Variants in ATOSA observed in about 807,000 individuals in gnomAD.
ATOSA encodes the protein atos homolog protein A.
chr15:52,706,611 C>T, the ATOSA span, among the ~76,000 whole-genome samples: 1 of 152,108 alleles, frequency 6.6e-6, no homozygotes, highest in Non-Finnish European at 1.5e-5. Flanking sequence ...CAAAAACCAG[C>T]TTGAAAGACC....
the ATOSA span, chr15:52,601,194 T>TAAA: frequency 7.8e-7 from 1 of 1,289,108 alleles, no homozygotes; most frequent in East Asian, 2.9e-5. Flanking sequence ...TTTGTGATAT[T>TAAA]AAAAAAAAAA....
At chr15:52,589,771 G>T in the ATOSA span, among the ~76,000 whole-genome samples, 1 of 151,826 alleles carries the variant, frequency 6.6e-6, no homozygotes, top group Middle Eastern at 3.4e-3. Flanking sequence ...ACACAAAAGA[G>T]AAAAACACAT....
chr15:52,600,803 T>C, the ATOSA span, among the ~76,000 whole-genome samples: 4 of 151,830 alleles, frequency 2.6e-5, no homozygotes, highest in African/African-American at 9.7e-5. Flanking sequence ...GTTTTTTTTT[T>C]TTCCGTCAAA....
the ATOSA span, chr15:52,586,120 A>T: frequency 6.6e-6 from 1 of 152,188 alleles, no homozygotes. Flanking sequence ...CCACTGACCC[A>T]CACTTTCTCA....
At chr15:52,621,086 C>T in the ATOSA span, among the ~76,000 whole-genome samples, 1 of 152,104 alleles carries the variant, frequency 6.6e-6, no homozygotes, top group African/African-American at 2.4e-5. Flanking sequence ...TTTATGAAAA[C>T]ATTTATACCA....
the ATOSA span, among the ~76,000 whole-genome samples, chr15:52,629,822 AAAAAG>A: frequency 6.6e-6 from 1 of 152,130 alleles, no homozygotes; most frequent in Non-Finnish European, 1.5e-5. Flanking sequence ...AAAAATAAAA[AAAAAG>A]AAAAGACTAG....
the ATOSA span, among the ~76,000 whole-genome samples, chr15:52,604,751 T>C: frequency 6.6e-6 from 1 of 152,232 alleles, no homozygotes; most frequent in African/African-American, 2.4e-5. Context: ...GAGAGATTTA[T>C]ATGTCTCAAG....
the ATOSA span, among the ~76,000 whole-genome samples, chr15:52,688,702 T>C: frequency 6.6e-6 from 1 of 152,186 alleles, no homozygotes; most frequent in Non-Finnish European, 1.5e-5. Context: ...TCTGAAGGTA[T>C]AGTACTGAGA....
At chr15:52,619,754 C>T in the ATOSA span, among the ~76,000 whole-genome samples, 2 of 151,546 alleles carry the variant, frequency 1.3e-5, no homozygotes, top group African/African-American at 4.9e-5. Flanking sequence ...TCACTTGAAC[C>T]CAGGAGGTGT....
the ATOSA span, among the ~76,000 whole-genome samples, chr15:52,604,775 G>C: frequency 1.1e-4 from 17 of 152,130 alleles, no homozygotes; most frequent in African/African-American, 3.9e-4. Flanking sequence ...ATTAAGTGAA[G>C]GGATTCCAAA....
the ATOSA span, among the ~76,000 whole-genome samples, chr15:52,597,360 G>A: frequency 6.6e-5 from 10 of 152,104 alleles, no homozygotes; most frequent in East Asian, 1.9e-4. Flanking sequence ...TAATAACCCC[G>A]AAGTGGTGAC....
the ATOSA span, among the ~76,000 whole-genome samples, chr15:52,612,938 A>C: frequency 6.6e-6 from 1 of 152,230 alleles, no homozygotes; most frequent in African/African-American, 2.4e-5. Flanking sequence ...AAAAACATTA[A>C]CAAAAAATAT....
At chr15:52,584,148 T>TC in the ATOSA span, among the ~76,000 whole-genome samples, 1 of 148,868 alleles carries the variant, frequency 6.7e-6, no homozygotes. Flanking sequence ...CATATTACTT[T>TC]TTTTTTTTTT....
the ATOSA span, among the ~76,000 whole-genome samples, chr15:52,659,085 C>T: frequency 1.3e-5 from 2 of 152,202 alleles, no homozygotes; most frequent in Non-Finnish European, 2.9e-5. Flanking sequence ...TCCCCTACCC[C>T]CAACCCCCAG....
chr15:52,602,745 T>C, the ATOSA span, among the ~76,000 whole-genome samples: 3 of 152,210 alleles, frequency 2.0e-5, no homozygotes, highest in Non-Finnish European at 2.9e-5. Context: ...TTTCCCCCTC[T>C]CTCATTTATA....
the ATOSA span, among the ~76,000 whole-genome samples, chr15:52,628,847 G>T: frequency 1.3e-5 from 2 of 151,748 alleles, no homozygotes; most frequent in Non-Finnish European, 3.0e-5. Flanking sequence ...CTTCATTAAA[G>T]AAATTTCCAT....
the ATOSA span, among the ~76,000 whole-genome samples, chr15:52,686,373 G>A: frequency 6.6e-6 from 1 of 152,174 alleles, no homozygotes; most frequent in African/African-American, 2.4e-5. Flanking sequence ...TAAACTGATC[G>A]GGTATTTCAG....
At chr15:52,685,429 GTT>G in the ATOSA span, among the ~76,000 whole-genome samples, 1 of 143,940 alleles carries the variant, frequency 6.9e-6, no homozygotes, top group Admixed American at 6.9e-5. Context: ...TTTTTTTTTT[GTT>G]TTGTTTTGTT....
the ATOSA span, chr15:52,609,194 CTTTACT>C: frequency 6.2e-7 from 1 of 1,612,810 alleles, no homozygotes; most frequent in East Asian, 2.2e-5. Context: ...GAACACTTTT[CTTTACT>C]ATTATTTTTA....
Sources: gnomAD v4.1 joint callset for allele counts (sites outside exome capture counted in the v4.1 genomes callset) on GRCh38, gnomAD v4.1.1 for gene constraint, MANE v1.5 for transcripts, NCBI Gene and HGNC (gene_info 2026-07-23, HGNC 2026-07-21) for gene names.